Variants in AJAP1 observed in about 807,000 individuals in gnomAD.
The protein encoded by AJAP1 is adherens junction-associated protein 1.
Under a neutral mutation model 35.0 loss-of-function variants are expected in AJAP1, and 5 were observed. The ratio of observed to expected loss-of-function variants is 0.14; its 90% CI spans 0.07 to 0.30. The LOEUF (loss-of-function observed/expected upper bound fraction) is 0.30. AJAP1 is among the 10% of genes least tolerant of loss of function. The probability of loss-of-function intolerance (pLI) is 1.00; values close to 1 mark genes in which losing one functional copy is unlikely to be tolerated. For synonymous variants in AJAP1, 284 were observed against 249.3 expected (o/e 1.14, Z -1.31); for missense variants, 586 against 571.0 (o/e 1.03, Z -0.27).
chr1:4,676,152 G>A (rs917078460), intron 1 of AJAP1, among the ~76,000 whole-genome samples: 5 of 152,198 alleles, frequency 3.3e-5, no homozygotes, highest in South Asian at 2.1e-4. Context: ...GCCCACTGCT[G>A]CAGAGGCCAG....
chr1:4,774,538 A>G lies in AJAP1; in HGVS notation c.*39A>G. The stretch of plus-strand genomic sequence containing the variant: ...TTTTTACCTCCTGGGGGCAGGGCAG[A>G]CGCCGTGTGTCTGTTTCACGGTAGG... On this transcript the variant is annotated 3_prime_UTR_variant, in exon 5 of 6. Transcript: ENST00000378191. 1 of 1,590,008 alleles carries G rather than the reference A, an allele frequency of 6.3e-7. No homozygotes were observed. Among genetic ancestry groups the G allele is most frequent in the Non-Finnish European group, 8.6e-7 (1 of 1,158,830 alleles).
intron 2 of AJAP1, among the ~76,000 whole-genome samples, chr1:4,750,834 C>T (rs2100332030): frequency 6.7e-6 from 1 of 148,902 alleles, no homozygotes; most frequent in East Asian, 2.0e-4. Flanking sequence ...TGGTTATTCT[C>T]CTCTCCAGCA....
intron 2 of AJAP1, among the ~76,000 whole-genome samples, chr1:4,732,314 C>T (rs921352594): frequency 6.6e-6 from 1 of 152,248 alleles, no homozygotes; most frequent in Non-Finnish European, 1.5e-5. Context: ...CCTAATGCCA[C>T]CATCCTTCTA....
chr1:4,669,425 AG>A (rs1304325091), intron 1 of AJAP1, among the ~76,000 whole-genome samples: 12 of 152,252 alleles, frequency 7.9e-5, no homozygotes, highest in Non-Finnish European at 1.8e-4. Context: ...TCATGGCAGA[AG>A]GCAAAGGAGA....
chr1:4,703,823 C>A (rs1178232310), intron 1 of AJAP1, among the ~76,000 whole-genome samples: 1 of 152,182 alleles, frequency 6.6e-6, no homozygotes, highest in Non-Finnish European at 1.5e-5. Flanking sequence ...AATATGCTGC[C>A]ACATTCCAGG....
chr1:4,772,095 T>TAA (rs3835206), intron 3 of AJAP1, among the ~76,000 whole-genome samples, 185 bp from the exon 4 acceptor site: 59,991 of 146,924 alleles, frequency 0.41, 12,311 homozygotes, highest in Middle Eastern at 0.56. Context: ...TTTTTTTTTT[T>TAA]AAAAAAAAAG....
intron 2 of AJAP1, among the ~76,000 whole-genome samples, chr1:4,717,658 G>A (rs1042608141): frequency 1.3e-5 from 2 of 152,268 alleles, no homozygotes; most frequent in African/African-American, 4.8e-5. Flanking sequence ...TATGTCCCTC[G>A]GTAAGCACAG....
chr1:4,751,079 C>A (rs1641309521), intron 2 of AJAP1, among the ~76,000 whole-genome samples: 1 of 151,958 alleles, frequency 6.6e-6, no homozygotes. Flanking sequence ...AAGGCAGCCT[C>A]CTGCACAACC....
intron 2 of AJAP1, 51 bp downstream of exon 2, chr1:4,712,750 A>T (rs375053127): frequency 1.3e-4 from 193 of 1,480,374 alleles, no homozygotes; most frequent in Middle Eastern, 7.8e-4. Flanking sequence ...GAGGGCTGGG[A>T]GCGTGACTCG....
At chr1:4,688,279 C>T (rs746266361) in intron 1 of AJAP1, among the ~76,000 whole-genome samples, 1 of 152,006 alleles carries the variant, frequency 6.6e-6, no homozygotes, top group South Asian at 2.1e-4. Context: ...TGTGACCACA[C>T]GGGGCTGGTG....
intron 2 of AJAP1, among the ~76,000 whole-genome samples, chr1:4,725,046 A>C (rs1183346052): frequency 1.3e-5 from 2 of 152,190 alleles, no homozygotes; most frequent in African/African-American, 4.8e-5. Flanking sequence ...GCTTGTGCCC[A>C]GAGCGAGCAA....
chr1:4,791,355 C>T lies in AJAP1; in HGVS notation c.*8870C>T, dbSNP rs940176590. 2.6e-5 allele frequency: 4 copies of T among 152,174 alleles called. No homozygotes were observed. Among genetic ancestry groups the T allele is most frequent in the Non-Finnish European group, 4.4e-5 (3 of 68,034 alleles). The allele number at this position is 152,174 out of a possible 1,614,324, so 9.4% of individuals were successfully genotyped here. ...TTTTCTCAAAAGGAACACATGTTTA[C>T]TACAAACCATTTAGAAAATACCAAT... On this transcript the variant is annotated 3_prime_UTR_variant, in exon 6 of 6. Transcript: ENST00000378191.
chr1:4,764,067 A>G (rs954932617), intron 2 of AJAP1, among the ~76,000 whole-genome samples: 2 of 152,134 alleles, frequency 1.3e-5, no homozygotes, highest in Non-Finnish European at 1.5e-5. Context: ...GGACTGAGTG[A>G]CACCACCAAC....
intron 2 of AJAP1, among the ~76,000 whole-genome samples, chr1:4,754,107 T>A (rs1641376734): frequency 6.6e-6 from 1 of 152,220 alleles, no homozygotes; most frequent in Non-Finnish European, 1.5e-5. Context: ...CCTGCCTGGT[T>A]CCTGCGTTTG....
chr1:4,752,009 AGTG>A (rs772528882), intron 2 of AJAP1, among the ~76,000 whole-genome samples: 2 of 152,166 alleles, frequency 1.3e-5, no homozygotes, highest in South Asian at 2.1e-4. Flanking sequence ...GGATGGTAAT[AGTG>A]GTGCCCACAG....
intron 1 of AJAP1, among the ~76,000 whole-genome samples, chr1:4,677,480 T>A (rs1557604894): frequency 6.6e-6 from 1 of 152,060 alleles, no homozygotes; most frequent in African/African-American, 2.4e-5. Flanking sequence ...CCACAGGAGC[T>A]GGCCAGCGGC....
At chr1:4,668,343 C>CGCAT (rs1639182270) in intron 1 of AJAP1, among the ~76,000 whole-genome samples, 1 of 149,538 alleles carries the variant, frequency 6.7e-6, no homozygotes, top group Non-Finnish European at 1.5e-5. Context: ...TGTGCGTGTG[C>CGCAT]GTGTGTGTGT....
chr1:4,718,276 G>A (rs1460951783), intron 2 of AJAP1, among the ~76,000 whole-genome samples: 1 of 152,170 alleles, frequency 6.6e-6, no homozygotes, highest in Non-Finnish European at 1.5e-5. Context: ...ACTCATGAAA[G>A]TCCAGCCTCT....
At chr1:4,690,384 G>C (rs762385037) in intron 1 of AJAP1, among the ~76,000 whole-genome samples, 3 of 152,182 alleles carry the variant, frequency 2.0e-5, no homozygotes, top group Non-Finnish European at 4.4e-5. Flanking sequence ...CTTGTTTCAA[G>C]GATGGGAGCC....
Sources: gnomAD v4.1 joint callset for allele counts (sites outside exome capture counted in the v4.1 genomes callset) on GRCh38, gnomAD v4.1.1 for gene constraint, MANE v1.5 for transcripts, NCBI Gene and HGNC (gene_info 2026-07-23, HGNC 2026-07-21) for gene names.